The following SEMA3A variants were observed in gnomAD, a reference collection of about 807,000 sequenced individuals.
SEMA3A encodes the protein semaphorin-3A.
Under a neutral mutation model 97.9 loss-of-function variants are expected in SEMA3A, and 29 were observed. The ratio of observed to expected loss-of-function variants is 0.30; its 90% CI spans 0.22 to 0.40. The LOEUF (loss-of-function observed/expected upper bound fraction) is 0.40. SEMA3A is among the 10% of genes least tolerant of loss of function. SEMA3A has a pLI of 1.00. For missense variants in SEMA3A, 763 were observed against 951.3 expected (o/e 0.80, Z 2.60); for synonymous variants, 321 against 323.7 (o/e 0.99, Z 0.09).
intron 3 of SEMA3A, among the ~76,000 whole-genome samples, chr7:84,223,563 A>T (rs1798927830): frequency 6.6e-6 from 1 of 151,894 alleles, no homozygotes; most frequent in African/African-American, 2.4e-5. Flanking sequence ...TAAGCTACTT[A>T]TGTTTCAAAA....
chr7:84,390,743 T>G lies in SEMA3A; in HGVS notation c.-245-18843A>C, dbSNP rs75253554. ...CCAACTATTCTTGCCTTCCAGAGAC[T>G]CTTATTAAGATTTAGTGAAATATTT... On this transcript the variant is annotated intron_variant, in intron 1 of 3. Coordinates refer to the SEMA3A transcript ENST00000424555. 2.1e-3 allele frequency among the ~76,000 whole-genome samples: 317 copies of G among 152,220 alleles called. 9 individuals are homozygous for G. In the East Asian group the frequency reaches 0.057, roughly 27 times the overall value.
At chr7:84,036,762 T>C (rs1791955284) in intron 6 of SEMA3A, among the ~76,000 whole-genome samples, 1 of 152,142 alleles carries the variant, frequency 6.6e-6, no homozygotes, top group Admixed American at 6.5e-5. Flanking sequence ...TATTACATAG[T>C]ATCTTAATTG....
intron 1 of SEMA3A, among the ~76,000 whole-genome samples, chr7:84,450,901 A>C (rs948980235): frequency 4.6e-5 from 7 of 152,028 alleles, no homozygotes; most frequent in African/African-American, 9.7e-5. Flanking sequence ...CTATGTTTTC[A>C]TATTAACCCC....
chr7:84,315,739 A>ATTACATTT (rs1381456337), intron 2 of SEMA3A, among the ~76,000 whole-genome samples: 1 of 152,220 alleles, frequency 6.6e-6, no homozygotes, highest in East Asian at 1.9e-4. Context: ...TTTTATGCAA[A>ATTACATTT]AACTTATTTC....
intron 1 of SEMA3A, among the ~76,000 whole-genome samples, chr7:84,477,098 C>CA (rs1183354604): frequency 1.0e-3 from 145 of 141,712 alleles, no homozygotes; most frequent in African/African-American, 3.4e-3. Flanking sequence ...ATATATTTTT[C>CA]AAAAAAAATC....
At chr7:84,142,174 A>G (rs1280455523) in intron 1 of SEMA3A, among the ~76,000 whole-genome samples, 1 of 152,242 alleles carries the variant, frequency 6.6e-6, no homozygotes, top group Non-Finnish European at 1.5e-5. Flanking sequence ...TAATTTTATG[A>G]TTCAGATTGT....
At chr7:84,190,638 T>C (rs1562842527) in intron 1 of SEMA3A, among the ~76,000 whole-genome samples, 1 of 150,288 alleles carries the variant, frequency 6.7e-6, no homozygotes, top group African/African-American at 2.4e-5. Context: ...TATACTATTA[T>C]GTGAATGTTC....
intron 3 of SEMA3A, among the ~76,000 whole-genome samples, chr7:84,112,824 A>T (rs1223417970): frequency 6.6e-6 from 1 of 152,222 alleles, no homozygotes; most frequent in African/African-American, 2.4e-5. Context: ...CTATAATATG[A>T]CAACAATTCC....
chr7:83,984,533 C>A (rs1483156159), intron 13 of SEMA3A, among the ~76,000 whole-genome samples: 2 of 149,800 alleles, frequency 1.3e-5, no homozygotes, highest in East Asian at 4.0e-4. Context: ...CCAAATGATT[C>A]TCATTTTACA....
At chr7:83,995,197 C>T (rs1233574178) in intron 12 of SEMA3A, among the ~76,000 whole-genome samples, 1 of 152,170 alleles carries the variant, frequency 6.6e-6, no homozygotes, top group Non-Finnish European at 1.5e-5. Context: ...CGCTCACCCA[C>T]TGACCTGCAC....
chr7:84,431,266 C>T (rs536375189), intron 1 of SEMA3A, among the ~76,000 whole-genome samples: 1 of 152,044 alleles, frequency 6.6e-6, no homozygotes, highest in Admixed American at 6.6e-5. Context: ...AAGCTAAGTG[C>T]ATTTAAACTT....
chr7:84,021,264 G>A (rs1339301677), intron 6 of SEMA3A, among the ~76,000 whole-genome samples: 2 of 145,162 alleles, frequency 1.4e-5, no homozygotes, highest in African/African-American at 2.7e-5. Flanking sequence ...TTATAAGCTT[G>A]TTGTTCATGT....
At chr7:83,987,346 A>G (rs1450309400) in intron 12 of SEMA3A, among the ~76,000 whole-genome samples, 1 of 152,194 alleles carries the variant, frequency 6.6e-6, no homozygotes, top group Non-Finnish European at 1.5e-5. Flanking sequence ...CAAATTGTCC[A>G]CTGAGGTTTG....
intron 9 of SEMA3A, among the ~76,000 whole-genome samples, chr7:84,008,211 G>A (rs1301509946): frequency 6.6e-6 from 1 of 152,174 alleles, no homozygotes; most frequent in Admixed American, 6.5e-5. Context: ...CCATTTTATG[G>A]CAGGGCGCGG....
intron 4 of SEMA3A, among the ~76,000 whole-genome samples, chr7:84,081,039 C>A (rs1009086574): frequency 6.6e-6 from 1 of 151,594 alleles, no homozygotes; most frequent in Non-Finnish European, 1.5e-5. Flanking sequence ...TACATTTGTT[C>A]AAATTAAAAC....
chr7:84,418,659 T>C (rs1804500339), intron 1 of SEMA3A, among the ~76,000 whole-genome samples: 1 of 152,028 alleles, frequency 6.6e-6, no homozygotes. Flanking sequence ...TTGGACATCA[T>C]ACTCTGGGTT....
chr7:84,392,694 G>A (rs1367765229), intron 1 of SEMA3A, among the ~76,000 whole-genome samples: 1 of 152,074 alleles, frequency 6.6e-6, no homozygotes, highest in Admixed American at 6.6e-5. Context: ...TCCACATCCT[G>A]CTGACACTTA....
intron 1 of SEMA3A, among the ~76,000 whole-genome samples, chr7:84,148,240 C>CT (rs911767806): frequency 4.0e-5 from 6 of 150,662 alleles, no homozygotes; most frequent in South Asian, 2.1e-4. Flanking sequence ...TTTTCTTTTT[C>CT]TTTTTTTTTA....
At chr7:83,981,555 T>TTA in intron 13 of SEMA3A, 77 bp from the exon 14 acceptor site, 1 of 1,229,196 alleles carries the variant, frequency 8.1e-7, no homozygotes, top group Non-Finnish European at 1.1e-6. Context: ...AAGAGTTTAT[T>TTA]TATATATAAC....
Sources: gnomAD v4.1 joint callset for allele counts (sites outside exome capture counted in the v4.1 genomes callset) on GRCh38, gnomAD v4.1.1 for gene constraint, MANE v1.5 for transcripts, NCBI Gene and HGNC (gene_info 2026-07-23, HGNC 2026-07-21) for gene names.